Variants in EFL1 observed in about 807,000 individuals in gnomAD.
The protein encoded by EFL1 is elongation factor like GTPase 1.
Under a neutral mutation model 126.7 loss-of-function variants are expected in EFL1, and 76 were observed. That is an observed-to-expected ratio of 0.60 (90% confidence interval 0.50 to 0.73). EFL1 has a LOEUF of 0.73. Among genes scored for constraint, EFL1 ranks in the 30% least tolerant of loss-of-function variants. The pLI is 0.00. For missense variants in EFL1, 1,128 were observed against 1,343.2 expected, an observed-to-expected ratio of 0.84 and a Z score of 2.50; for synonymous variants, 410 against 448.4, an observed-to-expected ratio of 0.91 and a Z score of 1.08.
intron 19 of EFL1, among the ~76,000 whole-genome samples, chr15:82,132,794 G>A (rs1004143875): frequency 7.2e-5 from 11 of 151,854 alleles, no homozygotes; most frequent in African/African-American, 2.2e-4. Flanking sequence ...TGTGGACTTG[G>A]TCATCTGAGG....
At chr15:82,225,643 A>C (rs1160293596) in intron 11 of EFL1, among the ~76,000 whole-genome samples, 1 of 152,258 alleles carries the variant, frequency 6.6e-6, no homozygotes, top group African/African-American at 2.4e-5. Flanking sequence ...CCAACAATCA[A>C]CAAGGTAGCT....
intron 15 of EFL1, among the ~76,000 whole-genome samples, chr15:82,179,568 T>C (rs1300864104): frequency 6.6e-6 from 1 of 152,098 alleles, no homozygotes; most frequent in African/African-American, 2.4e-5. Flanking sequence ...CAGCTTTTTT[T>C]CCTCTGTACC....
Position 82,152,020 on chromosome 15 carries a change from T to C in EFL1, c.2434A>G (p.Thr812Ala), listed in dbSNP as rs1203103872. ...EFKGKLEQHL[T>A]GRRWRNIVDQ... is the part of the protein sequence containing the mutation. ...ACAATGTTCCTCCATCTTCTCCCTG[T>C]TAGGTGTTGCTCCAGTTTTCCTTTG... Residue 812 changes from threonine (T) to alanine (A), a missense_variant, in exon 18 of 20, where the codon ACA becomes GCA. Thr to Ala is a moderately conservative substitution (Grantham distance 58, BLOSUM62 0). Coordinates refer to ENST00000268206, the MANE Select transcript of EFL1 (RefSeq NM_024580.6). 1 of 1,614,192 alleles carries C rather than the reference T, an allele frequency of 6.2e-7. No homozygotes were observed. Among genetic ancestry groups the C allele is most frequent in the South Asian group, 1.1e-5 (1 of 91,086 alleles).
At chr15:82,249,828 T>A (rs1285237471) in intron 4 of EFL1, among the ~76,000 whole-genome samples, 2 of 152,148 alleles carry the variant, frequency 1.3e-5, no homozygotes, top group African/African-American at 2.4e-5. Context: ...TGAGATAGTG[T>A]ATGACCTTGA....
chr15:82,145,653 G>A (rs2073836820), intron 18 of EFL1, among the ~76,000 whole-genome samples: 1 of 151,628 alleles, frequency 6.6e-6, no homozygotes. Flanking sequence ...CCAACAAGGT[G>A]AAACCCCCAT....
intron 9 of EFL1, 49 bp downstream of exon 9, chr15:82,228,983 GAC>G: frequency 6.8e-7 from 1 of 1,470,728 alleles, no homozygotes; most frequent in Admixed American, 2.1e-5. Flanking sequence ...TGGAAAGTGA[GAC>G]AAATTATACT....
At chr15:82,214,066 C>T (rs546520792) in intron 15 of EFL1, among the ~76,000 whole-genome samples, 2 of 152,260 alleles carry the variant, frequency 1.3e-5, no homozygotes, top group East Asian at 3.9e-4. Flanking sequence ...AGCTCTATAG[C>T]TGACAATGAC....
chr15:82,172,927 C>T (rs2074151963), intron 15 of EFL1, among the ~76,000 whole-genome samples: 2 of 152,098 alleles, frequency 1.3e-5, no homozygotes, highest in South Asian at 4.1e-4. Flanking sequence ...TGAAATTATG[C>T]AGGCAGGCAG....
chr15:82,168,522 T>G (rs1418541610), intron 15 of EFL1, among the ~76,000 whole-genome samples: 4 of 152,188 alleles, frequency 2.6e-5, no homozygotes, highest in Non-Finnish European at 4.4e-5. Context: ...TCTGTCTGTT[T>G]GTTTTTGAGA....
At position 82,177,894 on chromosome 15, in the gene EFL1, G is replaced by C. The variant is rs532613333; in HGVS notation, c.1751-13910C>G. 2.2e-4 allele frequency among the ~76,000 whole-genome samples: 33 copies of C among 152,288 alleles called. No homozygotes were observed. In the South Asian group the frequency reaches 5.2e-3, roughly 24 times the overall value. On this transcript the variant is annotated intron_variant, in intron 15 of 19. Coordinates refer to ENST00000268206, the MANE Select transcript of EFL1 (RefSeq NM_024580.6). ...AGAGAGAAAGTGCTGCAAAATGTAG[G>C]TTAGGAAAATAATGTGAAAGTTATT...
In EFL1 at chr15:82,230,802, G is replaced by A. The variant is rs771831300; in HGVS notation, c.855+46C>T. ...AGATATTACAGTATAGGTTTTCATA[G>A]GGCAAGAATATGACCAACAACCAAA... On this transcript the variant is annotated intron_variant, in intron 8 of 19. Coordinates refer to ENST00000268206, the MANE Select transcript of EFL1 (RefSeq NM_024580.6). The A allele has an allele frequency of 3.2e-6, 5 of 1,559,082 alleles. No homozygotes were observed. The Middle Eastern group carries it at 6.9e-4, about 215-fold the overall frequency.
chr15:82,223,864 T>C (rs1355926874), intron 12 of EFL1, among the ~76,000 whole-genome samples: 2 of 152,186 alleles, frequency 1.3e-5, no homozygotes, highest in Admixed American at 6.5e-5. Context: ...ATTCCCCCAT[T>C]TGGATATTCA....
Position 82,240,534 on chromosome 15 carries a change from C to A in EFL1, c.400G>T (p.Ala134Ser), listed in dbSNP as rs746222534. ...ACCGGACGGATGTTTTCAAGCCAAG[C>A]TTGTCGCAGAACTGCCTGTGTCTGA... is the stretch of plus-strand genomic sequence containing the variant. ...CPQTQAVLRQ[A>S]WLENIRPVLV... Residue 134 changes from alanine (A) to serine (S), a missense_variant, in exon 6 of 20, where the codon GCT becomes TCT. By Grantham distance (99) the Ala-to-Ser change is moderately conservative. This residue lies in a region of EFL1 where 118 missense variants were observed against 188.1 expected (regional missense o/e 0.63). Transcript: ENST00000268206. The A allele has an allele frequency of 1.9e-6, 3 of 1,613,782 alleles. No homozygotes were observed. The highest frequency in any genetic ancestry group is 2.5e-6 in the Non-Finnish European group (3 of 1,179,970).
chr15:82,138,459 T>TGTGTG (rs2073748594), intron 19 of EFL1, among the ~76,000 whole-genome samples, 199 bp downstream of exon 19: 5 of 151,268 alleles, frequency 3.3e-5, no homozygotes, highest in Admixed American at 6.6e-5. Context: ...TGTGTGTGTG[T>TGTGTG]TTATTATAAA....
intron 18 of EFL1, among the ~76,000 whole-genome samples, chr15:82,150,130 T>C (rs1175949746): frequency 6.6e-6 from 1 of 152,228 alleles, no homozygotes; most frequent in Non-Finnish European, 1.5e-5. Context: ...ACATGCTGTA[T>C]TTGGAGATTT....
In EFL1 at chr15:82,182,172, G is replaced by A. The variant is rs536362777; in HGVS notation, c.1751-18188C>T. On this transcript the variant is annotated intron_variant, in intron 15 of 19. Coordinates refer to ENST00000268206, the MANE Select transcript of EFL1 (RefSeq NM_024580.6). Reference sequence around the variant, plus strand: ...GTCAGGAGGCTGAGGCACAAGAATCGCTTGAACCCAGGAGGCAGAGGTTGT... The same window carrying A: ...GTCAGGAGGCTGAGGCACAAGAATCACTTGAACCCAGGAGGCAGAGGTTGT... Among the ~76,000 whole-genome samples, 7 of 152,270 alleles carry A rather than the reference G, an allele frequency of 4.6e-5. No homozygotes were observed. The East Asian group carries it at 5.8e-4, about 13-fold the overall frequency.
chr15:82,216,132 A>G (rs1190129417), intron 14 of EFL1, among the ~76,000 whole-genome samples: 1 of 152,232 alleles, frequency 6.6e-6, no homozygotes, highest in Non-Finnish European at 1.5e-5. Context: ...AAATATGTGT[A>G]TTTAAAATGA....
rs568411845 is a variant in EFL1 at position 82,130,388 on chromosome 15, G to A, written c.3348C>T (p.Leu1116=). ...IVEHAEKQRT[L]SKNK ...TAGTAGGTAGCTACTTATTTTTGCT[G>A]AGTGTCCTCTGCTTTTCTGCATGCT... Residue 1116 remains leucine, a synonymous_variant, in exon 20 of 20, where the codon CTC becomes CTT. Transcript: ENST00000268206. The A allele has an allele frequency of 6.2e-7, 1 of 1,613,678 alleles. No individual in the cohort carries two copies. The highest frequency in any genetic ancestry group is 8.5e-7 in the Non-Finnish European group (1 of 1,179,880).
Position 82,143,804 on chromosome 15 carries a change from T to C in EFL1, c.2990-4962A>G, listed in dbSNP as rs534377123. On this transcript the variant is annotated intron_variant, in intron 18 of 19. Coordinates refer to ENST00000268206, the MANE Select transcript of EFL1 (RefSeq NM_024580.6). ...GAAGGCACAATGATCAAATCCAAAG[T>C]TGACATGAAGTTGGCTGGAAACAAA... Among the ~76,000 whole-genome samples, 3 of 152,280 alleles carry C rather than the reference T, an allele frequency of 2.0e-5. No homozygotes were observed. In the East Asian group the frequency reaches 5.8e-4, roughly 29 times the overall value.
Sources: allele counts gnomAD v4.1 joint callset (sites outside exome capture counted in the v4.1 genomes callset), GRCh38; gene constraint gnomAD v4.1.1; regional missense constraint gnomAD v4.1.1; transcripts MANE v1.5; gene names NCBI Gene and HGNC (gene_info 2026-07-23, HGNC 2026-07-21).